The following SV2C variants were observed in gnomAD, a reference collection of about 807,000 sequenced individuals.
SV2C encodes the protein solute carrier family 22 member B3.
In SV2C, 49 loss-of-function variants were observed where a neutral mutation model predicts 79.7. That is an observed-to-expected ratio of 0.61 (90% confidence interval 0.49 to 0.78). SV2C has a LOEUF of 0.78. Ranked by LOEUF, SV2C falls within the 30% of genes least tolerant of loss-of-function variation. The pLI is 0.00. For missense variants in SV2C, 833 were observed against 912.9 expected (o/e 0.91, Z 1.13); for synonymous variants, 334 against 333.2 (o/e 1.00, Z -0.03).
chr5:76,229,579 G>A (rs1358218712), intron 4 of SV2C, among the ~76,000 whole-genome samples: 1 of 152,196 alleles, frequency 6.6e-6, no homozygotes, highest in Non-Finnish European at 1.5e-5. Flanking sequence ...ACTTTCTGAT[G>A]AAGTCTGAGT....
the SV2C span, among the ~76,000 whole-genome samples, chr5:75,904,350 C>T: frequency 0.017 from 2,509 of 149,992 alleles, 35 homozygotes; most frequent in African/African-American, 0.045. Flanking sequence ...TCAGGGGTCT[C>T]AGAAGCCACA....
the SV2C span, among the ~76,000 whole-genome samples, chr5:76,046,849 C>CTG: frequency 6.6e-6 from 1 of 152,188 alleles, no homozygotes; most frequent in Admixed American, 6.5e-5. Context: ...ACTGCCCTTG[C>CTG]TCATTCATTT....
In SV2C at chr5:76,330,296, G is replaced by A. The variant is rs763460342; in HGVS notation, c.*4749G>A. The A allele has an allele frequency of 2.6e-5, 4 of 152,180 alleles. No individual in the cohort carries two copies. The highest frequency in any genetic ancestry group is 4.8e-5 in the African/African-American group (2 of 41,448). 9.4% of individuals were successfully genotyped at this position (152,180 alleles called of 1,614,324 possible). ...GTAATCCCAGGATTTTGAGTTACAA[G>A]AATACAGTTTATGGGTCTGTTTCAG... On this transcript the variant is annotated 3_prime_UTR_variant, in exon 13 of 13. Transcript: ENST00000502798.
intron 2 of SV2C, among the ~76,000 whole-genome samples, chr5:76,160,875 A>T (rs552980267): frequency 1.3e-5 from 2 of 152,296 alleles, no homozygotes; most frequent in Non-Finnish European, 2.9e-5. Context: ...AAAGTCAGAT[A>T]ATAAGAAGTG....
At chr5:75,999,466 G>T in the SV2C span, among the ~76,000 whole-genome samples, 3 of 151,856 alleles carry the variant, frequency 2.0e-5, no homozygotes. Flanking sequence ...CTCAGGGTCT[G>T]CCATGGGCAG....
chr5:76,094,474 G>GT (rs1247130157), intron 1 of SV2C, among the ~76,000 whole-genome samples: 2 of 152,028 alleles, frequency 1.3e-5, no homozygotes, highest in Non-Finnish European at 2.9e-5. Context: ...AAAGATTCAT[G>GT]TTTTTTTGTG....
chr5:76,262,316 T>A (rs552739713), intron 4 of SV2C, among the ~76,000 whole-genome samples: 1 of 152,300 alleles, frequency 6.6e-6, no homozygotes, highest in East Asian at 1.9e-4. Context: ...GTCTATTTGA[T>A]TTTTCCCTCT....
intron 2 of SV2C, among the ~76,000 whole-genome samples, chr5:76,190,003 G>A (rs1170220129): frequency 4.6e-5 from 7 of 152,122 alleles, no homozygotes; most frequent in African/African-American, 1.7e-4. Flanking sequence ...AAAAAAGTTG[G>A]GTACAAACAT....
At chr5:76,339,486 G>T (rs938357776) in intron 12 of SV2C, among the ~76,000 whole-genome samples, 1 of 152,052 alleles carries the variant, frequency 6.6e-6, no homozygotes, top group Non-Finnish European at 1.5e-5. Flanking sequence ...AGGCCAAGGC[G>T]GGCGGATCAC....
chr5:75,909,018 C>T, the SV2C span, among the ~76,000 whole-genome samples: 1 of 152,164 alleles, frequency 6.6e-6, no homozygotes, highest in Non-Finnish European at 1.5e-5. Flanking sequence ...ATTTTCATTT[C>T]TGTGCTGAGA....
intron 4 of SV2C, among the ~76,000 whole-genome samples, chr5:76,244,024 C>T (rs1416059979): frequency 1.3e-5 from 2 of 152,220 alleles, no homozygotes; most frequent in African/African-American, 4.8e-5. Flanking sequence ...GCCATCCCTT[C>T]CCACCCTACC....
At chr5:76,135,947 C>T (rs559547867) in intron 2 of SV2C, among the ~76,000 whole-genome samples, 38 of 152,332 alleles carry the variant, frequency 2.5e-4, no homozygotes, top group Non-Finnish European at 4.4e-5. Context: ...CACCTCTTCC[C>T]TTGCATCAGA....
the SV2C span, among the ~76,000 whole-genome samples, chr5:76,056,628 T>TC: frequency 6.9e-6 from 1 of 144,452 alleles, no homozygotes; most frequent in Non-Finnish European, 1.5e-5. Flanking sequence ...GGCTTTCTTT[T>TC]TTTTTTTTTT....
At chr5:75,974,266 A>G in the SV2C span, among the ~76,000 whole-genome samples, 1 of 152,108 alleles carries the variant, frequency 6.6e-6, no homozygotes, top group Non-Finnish European at 1.5e-5. Flanking sequence ...AAATGGAACC[A>G]TCGAATCTAC....
At chr5:76,173,971 G>A (rs147818448) in intron 2 of SV2C, 31,467 of 1,557,754 alleles carry the variant, frequency 0.02, 424 homozygotes, top group Non-Finnish European at 0.024. Flanking sequence ...CATTTTTCAT[G>A]TATAAATCCC....
chr5:76,198,094 G>A (rs1357009793), intron 3 of SV2C, among the ~76,000 whole-genome samples: 2 of 152,122 alleles, frequency 1.3e-5, no homozygotes, highest in Non-Finnish European at 2.9e-5. Context: ...ACCCACCCCT[G>A]AGGGCAGAAC....
At chr5:76,126,072 A>C (rs1381891087) in intron 1 of SV2C, among the ~76,000 whole-genome samples, 27 of 152,014 alleles carry the variant, frequency 1.8e-4, no homozygotes. Context: ...CAAAAAACCC[A>C]ATAACATTAC....
At chr5:75,868,508 A>C in the SV2C span, among the ~76,000 whole-genome samples, 1 of 152,196 alleles carries the variant, frequency 6.6e-6, no homozygotes, top group East Asian at 1.9e-4. Context: ...AACAAACAAA[A>C]ACAAAAACAA....
At chr5:76,072,852 T>A in the SV2C span, among the ~76,000 whole-genome samples, 1 of 152,180 alleles carries the variant, frequency 6.6e-6, no homozygotes, top group Non-Finnish European at 1.5e-5. Context: ...CCCTGATAAT[T>A]AGTGATGTTG....
Sources: gnomAD v4.1 joint callset for allele counts (sites outside exome capture counted in the v4.1 genomes callset) on GRCh38, gnomAD v4.1.1 for gene constraint, MANE v1.5 for transcripts, NCBI Gene and HGNC (gene_info 2026-07-23, HGNC 2026-07-21) for gene names.